Variants in PARD3B observed in about 807,000 individuals in gnomAD.
PARD3B encodes the protein par-3 family cell polarity regulator beta.
PARD3B carries 103 observed loss-of-function variants against 130.2 expected under a neutral mutation model. That is an observed-to-expected ratio of 0.79 (90% CI 0.67 to 0.93). The LOEUF is 0.93. Among genes scored for constraint, PARD3B ranks in the 40% least tolerant of loss-of-function variants. PARD3B has a pLI of 0.00. For missense variants in PARD3B, 1,609 were observed against 1,499.2 expected (o/e 1.07, Z -1.21); for synonymous variants, 583 against 553.2 (o/e 1.05, Z -0.76).
chr2:204,731,895 G>A (rs2039524429), intron 2 of PARD3B, among the ~76,000 whole-genome samples: 2 of 152,072 alleles, frequency 1.3e-5, no homozygotes, highest in African/African-American at 2.4e-5. Flanking sequence ...AGCACTTCCA[G>A]TGAATTACCT....
At chr2:205,095,847 C>G (rs1451279204) in intron 4 of PARD3B, among the ~76,000 whole-genome samples, 1 of 152,026 alleles carries the variant, frequency 6.6e-6, no homozygotes, top group African/African-American at 2.4e-5. Context: ...CTTTTAAAAT[C>G]TCAATCAGAA....
chr2:204,962,150 G>GTAAA (rs1185983267), intron 2 of PARD3B, among the ~76,000 whole-genome samples: 1 of 152,164 alleles, frequency 6.6e-6, no homozygotes, highest in Non-Finnish European at 1.5e-5. Context: ...TTGACTGGAA[G>GTAAA]TAAAGATTGT....
At position 205,119,080 on chromosome 2, in the gene PARD3B, T is replaced by G. The variant is rs199663525; in HGVS notation, c.806+34T>G. 2.5e-6 allele frequency: 4 copies of G among 1,579,720 alleles called. No homozygotes were observed. The Admixed American group carries it at 7.3e-5, about 29-fold the overall frequency. Reference sequence around the variant, plus strand: ...TTTTTCATTGTTTTATTTACTTTCTTGATCCCTAGCATGGTTATAAGCATT... The same window carrying G: ...TTTTTCATTGTTTTATTTACTTTCTGGATCCCTAGCATGGTTATAAGCATT... On this transcript the variant is annotated intron_variant, in intron 7 of 22. Transcript: ENST00000406610.
At chr2:204,738,290 G>A (rs556185783) in intron 2 of PARD3B, among the ~76,000 whole-genome samples, 14 of 151,802 alleles carry the variant, frequency 9.2e-5, no homozygotes, top group African/African-American at 1.9e-4. Flanking sequence ...TTTACCTCCC[G>A]CATTACATAT....
In PARD3B at chr2:205,265,467, A is replaced by G. The variant is rs759075238; in HGVS notation, c.2185+19645A>G. ...TAATTTGGACATTGCTTTTCTGCCT[A>G]CAAATGGGACGATTCCTGATATGTG... On this transcript the variant is annotated intron_variant, in intron 16 of 22. Transcript: ENST00000406610. This position sits in a 1 kb window ranked among gnomAD's most constrained non-coding sequence, Gnocchi z 4.3. 2.6e-5 allele frequency among the ~76,000 whole-genome samples: 4 copies of G among 152,018 alleles called. No homozygotes were observed. Among genetic ancestry groups the G allele is most frequent in the Non-Finnish European group, 5.9e-5 (4 of 67,946 alleles).
chr2:205,272,117 C>T (rs1389534024), intron 16 of PARD3B, among the ~76,000 whole-genome samples: 1 of 150,256 alleles, frequency 6.7e-6, no homozygotes, highest in African/African-American at 2.5e-5. Context: ...GAGATCACAC[C>T]ACTGCACTCC....
chr2:205,400,690 A>C (rs1413042046), intron 18 of PARD3B, among the ~76,000 whole-genome samples: 2 of 152,016 alleles, frequency 1.3e-5, no homozygotes, highest in Non-Finnish European at 2.9e-5. Context: ...AAGCAACCTG[A>C]GTAATAGAAG....
chr2:204,970,465 T>C (rs1691608176), intron 3 of PARD3B, among the ~76,000 whole-genome samples: 1 of 152,212 alleles, frequency 6.6e-6, no homozygotes. Flanking sequence ...GGGCCACAGT[T>C]TCCTCATCTA....
Position 205,553,330 on chromosome 2 carries a change from G to T in PARD3B, c.3187G>T (p.Gly1063Ter). The change falls in exon 22 of 23, where the codon GGA becomes TGA. Residue 1063 changes from glycine (G) to a stop codon, truncating the protein, a stop_gained. Transcript: ENST00000406610. LOFTEE classifies it high-confidence loss of function. Reference protein sequence around the residue: ...PSEYDLLWVPGRGPDGNAHNL... With the variant: ...PSEYDLLWVP Reference sequence around the variant, plus strand: ...ATTGCTTTTCTCTCCACAGGTGCCTGGAAGGGGTCCAGATGGGAATGCACA... The same window carrying T: ...ATTGCTTTTCTCTCCACAGGTGCCTTGAAGGGGTCCAGATGGGAATGCACA... 6.2e-7 allele frequency: 1 copy of T among 1,613,842 alleles called. No individual in the cohort carries two copies.
intron 22 of PARD3B, among the ~76,000 whole-genome samples, chr2:205,578,240 A>G (rs1007285295): frequency 2.0e-5 from 3 of 152,204 alleles, no homozygotes; most frequent in African/African-American, 7.2e-5. Flanking sequence ...AGTGCATTAG[A>G]TCAGGTAAGC....
intron 3 of PARD3B, among the ~76,000 whole-genome samples, chr2:205,016,947 C>A (rs190801117): frequency 6.6e-6 from 1 of 152,146 alleles, no homozygotes; most frequent in East Asian, 1.9e-4. Flanking sequence ...CCTCTAAGCA[C>A]CAAAAGAGTC....
intron 2 of PARD3B, among the ~76,000 whole-genome samples, chr2:204,737,425 A>G (rs1405935472): frequency 6.6e-6 from 1 of 152,010 alleles, no homozygotes; most frequent in Non-Finnish European, 1.5e-5. Flanking sequence ...CCCCTTTTTA[A>G]TGAGATTATT....
chr2:205,551,966 T>G (rs1389915135), intron 21 of PARD3B, among the ~76,000 whole-genome samples: 1 of 152,242 alleles, frequency 6.6e-6, no homozygotes. Flanking sequence ...GAGTGGTCCA[T>G]GTGATACCAA....
chr2:204,746,330 C>T (rs1574876669), intron 2 of PARD3B, among the ~76,000 whole-genome samples: 1 of 151,934 alleles, frequency 6.6e-6, no homozygotes, highest in Admixed American at 6.6e-5. Context: ...TTTATGGCTG[C>T]ATAGTATTCC....
In PARD3B at chr2:205,331,782, C is replaced by CAAA. The variant is rs56654511; in HGVS notation, c.2630+30102_2630+30104dup. 4.8e-4 allele frequency among the ~76,000 whole-genome samples: 23 copies of CAAA among 48,396 alleles called. 2 individuals are homozygous for CAAA. Among genetic ancestry groups the CAAA allele is most frequent in the South Asian group, 1.2e-3 (1 of 852 alleles). 31.7% of individuals were successfully genotyped at this position (48,396 alleles called of 152,430 possible). On this transcript the variant is annotated intron_variant, in intron 18 of 22. Coordinates refer to ENST00000406610, the MANE Select transcript of PARD3B (RefSeq NM_001302769.2). The stretch of plus-strand genomic sequence containing the variant: ...TGGGCGACAGAGTGAGACTCCGTCT[C>CAAA]AAAAAAAAAAAAAAAAAAAAAAAGA...
intron 2 of PARD3B, among the ~76,000 whole-genome samples, chr2:204,713,485 C>T (rs906952685): frequency 2.0e-5 from 3 of 151,756 alleles, no homozygotes; most frequent in Non-Finnish European, 2.9e-5. Context: ...ATGTAACCGT[C>T]GCCACCATTT....
intron 14 of PARD3B, among the ~76,000 whole-genome samples, 199 bp downstream of exon 14, chr2:205,186,062 C>T (rs1323493896): frequency 1.3e-5 from 2 of 151,954 alleles, no homozygotes; most frequent in Non-Finnish European, 2.9e-5. Context: ...ATTTTGCTTC[C>T]TGGTATTTGT....
chr2:205,307,121 A>C (rs549631493), intron 18 of PARD3B, among the ~76,000 whole-genome samples: 1 of 152,180 alleles, frequency 6.6e-6, no homozygotes, highest in African/African-American at 2.4e-5. Context: ...CATCATGAAA[A>C]TGTGAATGCC....
chr2:204,998,467 G>GTATATATATGTGTATATAATATATGTA (rs1694520913), intron 3 of PARD3B, among the ~76,000 whole-genome samples: 3 of 84,208 alleles, frequency 3.6e-5, no homozygotes, highest in South Asian at 2.9e-4. Context: ...TATTATATAT[G>GTATATATATGTGTATATAATATATGTA]TATATATATG....
Sources: allele counts gnomAD v4.1 joint callset (sites outside exome capture counted in the v4.1 genomes callset), GRCh38; gene constraint gnomAD v4.1.1; non-coding constraint Gnocchi (gnomAD v3.1); transcripts MANE v1.5; gene names NCBI Gene and HGNC (gene_info 2026-07-23, HGNC 2026-07-21).